The following DGCR2 variants were observed in gnomAD, a reference collection of about 807,000 sequenced individuals.
DGCR2 encodes integral membrane protein DGCR2/IDD.
DGCR2 carries 24 observed loss-of-function variants against 51.6 expected under a neutral mutation model. That is an observed-to-expected ratio of 0.47 (90% CI 0.34 to 0.65). The LOEUF is 0.65. Among genes scored for constraint, DGCR2 ranks in the 30% least tolerant of loss-of-function variants. The pLI is 0.01. For synonymous variants in DGCR2, 340 were observed against 315.4 expected (o/e 1.08, Z -0.82); for missense variants, 765 against 772.1 (o/e 0.99, Z 0.11).
Position 19,057,061 on chromosome 22 carries a change from TG to T in DGCR2, c.726del (p.Thr243ProfsTer52). 6.3e-7 allele frequency: 1 copy of T among 1,597,294 alleles called. No individual in the cohort carries two copies. The highest frequency in any genetic ancestry group is 2.3e-5 in the East Asian group (1 of 44,266). ...FCAQLQCFHF[P>X]TLRHHDLHSW... The stretch of plus-strand genomic sequence containing the variant: ...CTGTGGAGGTCGTGGTGCCGCAGGG[TG>T]GGGAAATGGAAGCACTGAAGCTGGG... On this transcript the variant is annotated frameshift_variant, in exon 6 of 10. Transcript: ENST00000263196. LOFTEE classifies it high-confidence loss of function. This position sits in a 1 kb window ranked among gnomAD's most constrained non-coding sequence, Gnocchi z 5.1.
chr22:19,084,471 C>T (rs2082984328), intron 2 of DGCR2, among the ~76,000 whole-genome samples: 1 of 143,930 alleles, frequency 6.9e-6, no homozygotes, highest in Non-Finnish European at 1.5e-5. Flanking sequence ...AAGTGAGGGG[C>T]CCCTTTGCCC....
chr22:19,070,391 C>T (rs1274913633), intron 2 of DGCR2, among the ~76,000 whole-genome samples: 2 of 152,226 alleles, frequency 1.3e-5, no homozygotes, highest in Non-Finnish European at 2.9e-5. Flanking sequence ...GAGAATGTCA[C>T]TGAACTTAAA....
intron 2 of DGCR2, among the ~76,000 whole-genome samples, chr22:19,076,328 T>C (rs1360872031): frequency 6.7e-6 from 1 of 148,444 alleles, no homozygotes; most frequent in Non-Finnish European, 1.5e-5. Context: ...ACTCGGCTAA[T>C]TTTTTTTTAT....
At chr22:19,118,472 T>C (rs1459019533) in intron 1 of DGCR2, among the ~76,000 whole-genome samples, 5 of 151,266 alleles carry the variant, frequency 3.3e-5, no homozygotes, top group African/African-American at 7.3e-5. Flanking sequence ...TCAGCACAGC[T>C]GCCTACTGAA....
At chr22:19,086,200 G>A (rs963992233) in intron 2 of DGCR2, among the ~76,000 whole-genome samples, 1 of 151,994 alleles carries the variant, frequency 6.6e-6, no homozygotes, top group Non-Finnish European at 1.5e-5. Flanking sequence ...CTGCTTGGCC[G>A]GGCACAGTGA....
At chr22:19,061,973 T>G (rs1434881100) in intron 5 of DGCR2, 1 of 152,168 alleles carries the variant, frequency 6.6e-6, no homozygotes, top group Non-Finnish European at 1.5e-5. Context: ...CCAGGACCCT[T>G]GCCATTCTCA....
chr22:19,084,701 T>C (rs1436633378), intron 2 of DGCR2, among the ~76,000 whole-genome samples: 6 of 105,688 alleles, frequency 5.7e-5, no homozygotes, highest in African/African-American at 1.0e-4. Flanking sequence ...AGCTGCCCCG[T>C]CCGGGAGGGA....
chr22:19,111,569 T>C (rs998674096), intron 1 of DGCR2, among the ~76,000 whole-genome samples: 1 of 152,200 alleles, frequency 6.6e-6, no homozygotes, highest in Non-Finnish European at 1.5e-5. Context: ...ACCTACCACC[T>C]GCCTCACTGA....
At chr22:19,116,382 T>C (rs1397272127) in intron 1 of DGCR2, among the ~76,000 whole-genome samples, 1 of 152,224 alleles carries the variant, frequency 6.6e-6, no homozygotes, top group Non-Finnish European at 1.5e-5. Context: ...CAGGATGAGA[T>C]GGACTGGCTT....
intron 1 of DGCR2, among the ~76,000 whole-genome samples, chr22:19,104,027 AAG>A (rs145918835): frequency 0.027 from 4,137 of 152,156 alleles, 192 homozygotes; most frequent in African/African-American, 0.091. Context: ...GTTCTTTCAA[AAG>A]AGAGAGAGAA....
chr22:19,101,181 T>C (rs62221752), intron 1 of DGCR2, among the ~76,000 whole-genome samples: 14,291 of 152,216 alleles, frequency 0.094, 737 homozygotes, highest in Middle Eastern at 0.15. Context: ...AACCTTTTAA[T>C]AGAATTATCA....
chr22:19,064,603 G>A (rs1264178203), intron 4 of DGCR2, among the ~76,000 whole-genome samples: 4 of 152,140 alleles, frequency 2.6e-5, no homozygotes, highest in East Asian at 1.9e-4. Context: ...CCAATGAAAG[G>A]GGCTGCCCCA....
chr22:19,096,882 TAAAAAAAAAAACA>T (rs1252768286), intron 1 of DGCR2, among the ~76,000 whole-genome samples: 1 of 107,194 alleles, frequency 9.3e-6, no homozygotes, highest in Non-Finnish European at 1.9e-5. Context: ...TCCATTCTAT[TAAAAAAAAAAACA>T]AAAAAAAAAA....
Position 19,057,200 on chromosome 22 carries a change from C to T in DGCR2, c.626-38G>A. The T allele has an allele frequency of 1.9e-6, 3 of 1,550,858 alleles. No homozygotes were observed. The highest frequency in any genetic ancestry group is 2.6e-6 in the Non-Finnish European group (3 of 1,146,176). On this transcript the variant is annotated intron_variant, in intron 5 of 9. Coordinates refer to ENST00000263196, the MANE Select transcript of DGCR2 (RefSeq NM_005137.3). The surrounding 1 kb of genome is among the most constrained non-coding windows in gnomAD (Gnocchi z 5.1). The stretch of plus-strand genomic sequence containing the variant: ...CAAAAGGTGGGGCTGGACAACATCA[C>T]ATCAGAGGACAAGCTGTGCAGTCCT...
chr22:19,081,608 T>C (rs1321013220), intron 2 of DGCR2, among the ~76,000 whole-genome samples: 2 of 152,236 alleles, frequency 1.3e-5, no homozygotes, highest in African/African-American at 4.8e-5. Flanking sequence ...AGGATGTGGA[T>C]GGCTTGGAAT....
At position 19,086,030 on chromosome 22, in the gene DGCR2, AT is replaced by A. The variant is rs1203474974; in HGVS notation, c.202+3337del. 2.0e-5 allele frequency among the ~76,000 whole-genome samples: 3 copies of A among 152,294 alleles called. No homozygotes were observed. The East Asian group carries it at 5.8e-4, about 29-fold the overall frequency. ...ATGAGGACTTGACTCTATATCTATG[AT>A]TTTTTAAAAATTTCTTTTAAAATAA... On this transcript the variant is annotated intron_variant, in intron 2 of 9. Coordinates refer to ENST00000263196, the MANE Select transcript of DGCR2 (RefSeq NM_005137.3).
intron 5 of DGCR2, among the ~76,000 whole-genome samples, chr22:19,060,050 C>T (rs572197905): frequency 6.6e-6 from 1 of 152,206 alleles, no homozygotes; most frequent in African/African-American, 2.4e-5. Flanking sequence ...AATGCCCCAC[C>T]ACGGTGGCAG....
intron 6 of DGCR2, among the ~76,000 whole-genome samples, chr22:19,051,148 C>CA (rs910174219): frequency 5.0e-5 from 7 of 139,008 alleles, no homozygotes; most frequent in African/African-American, 1.9e-4. Context: ...AAGATTGCAC[C>CA]ACTTCACTCC....
At chr22:19,114,180 T>G (rs1206522679) in intron 1 of DGCR2, among the ~76,000 whole-genome samples, 1 of 149,834 alleles carries the variant, frequency 6.7e-6, no homozygotes, top group East Asian at 2.0e-4. Flanking sequence ...TGAAGTTATA[T>G]ATGCACTGAT....
Sources: allele counts gnomAD v4.1 joint callset (sites outside exome capture counted in the v4.1 genomes callset), GRCh38; gene constraint gnomAD v4.1.1; non-coding constraint Gnocchi (gnomAD v3.1); transcripts MANE v1.5; gene names NCBI Gene and HGNC (gene_info 2026-07-23, HGNC 2026-07-21).